CTBP2: variants seen among roughly 807,000 people sequenced by gnomAD.
CTBP2 encodes C-terminal-binding protein 2.
CTBP2 carries 30 observed loss-of-function variants against 80.3 expected under a neutral mutation model. That is an observed-to-expected ratio of 0.37 (90% CI 0.28 to 0.51). The LOEUF is 0.51. CTBP2 is among the 20% of genes least tolerant of loss of function. The pLI is 0.93. For synonymous variants in CTBP2, 594 were observed against 587.4 expected (o/e 1.01, Z -0.16); for missense variants, 1,212 against 1,375.3 (o/e 0.88, Z 1.88).
At chr10:125,057,796 C>A (rs1013222108) in intron 2 of CTBP2, among the ~76,000 whole-genome samples, 1 of 152,202 alleles carries the variant, frequency 6.6e-6, no homozygotes, top group Non-Finnish European at 1.5e-5. Flanking sequence ...TGAGATCCAG[C>A]TTACCTTTTA....
rs144591383 is a variant in CTBP2 at position 125,101,934 on chromosome 10, C to A, written c.-102+9056G>T. 1.4e-4 allele frequency among the ~76,000 whole-genome samples: 22 copies of A among 152,260 alleles called. No individual in the cohort carries two copies. In the South Asian group the frequency reaches 1.7e-3, roughly 12 times the overall value. On this transcript the variant is annotated intron_variant, in intron 2 of 10. Transcript: ENST00000337195. ...TGTGGTGAAGTCAGGGCCTTCAGTG[C>A]CTCGATCGCTGAAACAATGCACATT...
intron 1 of CTBP2, among the ~76,000 whole-genome samples, chr10:125,009,300 G>A (rs1007624889): frequency 6.6e-6 from 1 of 152,198 alleles, no homozygotes; most frequent in Non-Finnish European, 1.5e-5. Context: ...GTGACCTGCA[G>A]GTGGCCTGGG....
chr10:125,026,438 G>A lies in CTBP2; in HGVS notation c.1322C>T (p.Ser441Phe), dbSNP rs752778855. 8 of 1,602,532 alleles carry A rather than the reference G, an allele frequency of 5.0e-6. No individual in the cohort carries two copies. In the East Asian group the frequency reaches 1.8e-4, roughly 36 times the overall value. Residue 441 changes from serine (S) to phenylalanine (F), a missense_variant, in exon 1 of 9, where the codon TCT becomes TTT. Coordinates refer to ENST00000309035, the MANE Select transcript of CTBP2 (RefSeq NM_022802.3). ...CGCTGTCAGGGCGCAAGGGGTGGGA[G>A]AGCTGTACCCGGAGTTGGAGGGGAA... is the stretch of plus-strand genomic sequence containing the variant.
In CTBP2 at chr10:125,100,002, G is replaced by A. The variant is rs150630941; in HGVS notation, c.-102+10988C>T. On this transcript the variant is annotated intron_variant, in intron 2 of 10. Coordinates refer to the CTBP2 transcript ENST00000337195. The stretch of plus-strand genomic sequence containing the variant: ...GCCAAGTCCTGGGGGGGCGGACACA[G>A]AAGGTCTCATCTAGATCACACATAG... Among the ~76,000 whole-genome samples, 309 of 152,360 alleles carry A rather than the reference G, an allele frequency of 2.0e-3. 1 individual carries two copies. Among genetic ancestry groups the A allele is most frequent in the African/African-American group, 7.0e-3 (290 of 41,576 alleles).
chr10:125,053,223 G>T (rs1963184587), intron 2 of CTBP2, among the ~76,000 whole-genome samples: 1 of 152,102 alleles, frequency 6.6e-6, no homozygotes. Flanking sequence ...ACGACTGGGG[G>T]TTCATCTCTG....
intron 2 of CTBP2, among the ~76,000 whole-genome samples, chr10:125,073,520 C>T (rs1338168518): frequency 7.9e-5 from 12 of 152,226 alleles, no homozygotes; most frequent in African/African-American, 2.7e-4. Flanking sequence ...GGATTACAGG[C>T]GTGAGCCATC....
At chr10:125,048,897 C>G (rs898168811) in intron 2 of CTBP2, among the ~76,000 whole-genome samples, 1 of 152,170 alleles carries the variant, frequency 6.6e-6, no homozygotes, top group Non-Finnish European at 1.5e-5. Context: ...TGCTGTGAGA[C>G]AAGTATGATC....
At chr10:125,035,614 G>A (rs1399843722) in intron 3 of CTBP2, among the ~76,000 whole-genome samples, 2 of 152,216 alleles carry the variant, frequency 1.3e-5, no homozygotes, top group African/African-American at 2.4e-5. Flanking sequence ...ACCAACAACA[G>A]CCATTGTGGT....
At chr10:125,049,404 A>T (rs1397013461) in intron 2 of CTBP2, among the ~76,000 whole-genome samples, 1 of 152,080 alleles carries the variant, frequency 6.6e-6, no homozygotes, top group Admixed American at 6.5e-5. Flanking sequence ...GACCCCACAC[A>T]CGTGCGGATC....
In CTBP2 at chr10:124,984,976, A is replaced by T. The variant is rs753747217; in HGVS notation, c.*4542T>A. ...CTGTCTGATGGAGAGGAAGATGAGGATGATGAAGATGAATGAAAAAAAAAA... is the reference window on the plus strand; with the variant it reads ...CTGTCTGATGGAGAGGAAGATGAGGTTGATGAAGATGAATGAAAAAAAAAA... On this transcript the variant is annotated 3_prime_UTR_variant, in exon 9 of 9. Transcript: ENST00000309035. The T allele has an allele frequency of 6.2e-7, 1 of 1,610,560 alleles. No homozygotes were observed. Among genetic ancestry groups the T allele is most frequent in the East Asian group, 2.2e-5 (1 of 44,838 alleles).
chr10:125,048,720 A>G (rs1961893952), intron 2 of CTBP2, among the ~76,000 whole-genome samples: 2 of 152,146 alleles, frequency 1.3e-5, no homozygotes, highest in Non-Finnish European at 2.9e-5. Context: ...TGAAAATTGG[A>G]AACAACTTGG....
In CTBP2 at chr10:124,994,488, T is replaced by C; in HGVS notation, c.2381A>G (p.Asn794Ser). 1 of 1,613,952 alleles carries C rather than the reference T, an allele frequency of 6.2e-7. No individual in the cohort carries two copies. The highest frequency in any genetic ancestry group is 1.7e-5 in the Admixed American group (1 of 60,024). ...AATTACCTGCTTTATGGTAAAGTCA[T>C]TGATGAGGTGGTGGTTATGTTCGTT... Residue 794 changes from asparagine to serine, a missense_variant, in exon 5 of 9, where the codon AAT becomes AGT. Coordinates refer to ENST00000309035, the MANE Select transcript of CTBP2 (RefSeq NM_022802.3).
rs895508763 is a variant in CTBP2 at position 124,992,948 on chromosome 10, CTCT to C, written c.2660-139_2660-137del. Reference sequence around the variant, plus strand: ...ACATCCAAAGGCCCAAGTGCTTGAGCTCTTCAACACTGACCTTCAGCCTCTGTG... The same window carrying C: ...ACATCCAAAGGCCCAAGTGCTTGAGCTCAACACTGACCTTCAGCCTCTGTG... On this transcript the variant is annotated intron_variant, in intron 7 of 8. Transcript: ENST00000309035. 10 of 832,952 alleles carry C rather than the reference CTCT, an allele frequency of 1.2e-5. No homozygotes were observed. The Admixed American group carries it at 1.8e-4, about 15-fold the overall frequency. The allele number at this position is 832,952 out of a possible 1,614,324, so 51.6% of individuals were successfully genotyped here.
chr10:125,159,244 C>T (rs1398660046), intron 1 of CTBP2, among the ~76,000 whole-genome samples: 1 of 150,742 alleles, frequency 6.6e-6, no homozygotes, highest in Non-Finnish European at 1.5e-5. Context: ...CGCGCCCTAG[C>T]CAGCCCCTCC....
At chr10:125,136,468 C>G (rs1018951053) in intron 1 of CTBP2, among the ~76,000 whole-genome samples, 9 of 152,196 alleles carry the variant, frequency 5.9e-5, no homozygotes, top group Non-Finnish European at 1.2e-4. Context: ...CCACACTGTT[C>G]CCCCACCCTA....
chr10:125,131,037 G>C (rs557324414), intron 1 of CTBP2, among the ~76,000 whole-genome samples: 1 of 152,326 alleles, frequency 6.6e-6, no homozygotes, highest in South Asian at 2.1e-4. Flanking sequence ...CAGACAGGCG[G>C]GGAGGCAGAG....
At chr10:125,141,206 T>C (rs541016544) in intron 1 of CTBP2, among the ~76,000 whole-genome samples, 1 of 152,112 alleles carries the variant, frequency 6.6e-6, no homozygotes, top group South Asian at 2.1e-4. Context: ...AGTTGCAGCT[T>C]ATATCCCAGA....
chr10:125,076,497 G>C (rs1481554978), intron 2 of CTBP2, among the ~76,000 whole-genome samples: 1 of 152,116 alleles, frequency 6.6e-6, no homozygotes, highest in Non-Finnish European at 1.5e-5. Context: ...CTTTCCCCAG[G>C]AACTCGGCCA....
At chr10:125,073,998 T>C (rs551447925) in intron 2 of CTBP2, among the ~76,000 whole-genome samples, 1 of 152,176 alleles carries the variant, frequency 6.6e-6, no homozygotes, top group Non-Finnish European at 1.5e-5. Flanking sequence ...ATGTTCTCAG[T>C]ACCTGTTCAG....
Sources: gnomAD v4.1 joint callset for allele counts (sites outside exome capture counted in the v4.1 genomes callset) on GRCh38, gnomAD v4.1.1 for gene constraint, MANE v1.5 for transcripts, NCBI Gene and HGNC (gene_info 2026-07-23, HGNC 2026-07-21) for gene names.